The following CEP164 variants were observed in gnomAD, a reference collection of about 807,000 sequenced individuals.
CEP164 encodes the protein centrosomal protein 164.
CEP164 carries 162 observed loss-of-function variants against 182.7 expected under a neutral mutation model. The ratio of observed to expected loss-of-function variants is 0.89; its 90% confidence interval spans 0.78 to 1.01. CEP164 has a LOEUF of 1.01. Among genes scored for constraint, CEP164 ranks in the 50% least tolerant of loss-of-function variants. The probability of loss-of-function intolerance (pLI) is 0.00; values close to 1 mark genes in which losing one functional copy is unlikely to be tolerated. For missense variants in CEP164, 1,735 were observed against 1,790.4 expected (o/e 0.97, Z 0.56); for synonymous variants, 661 against 690.0 (o/e 0.96, Z 0.66).
intron 25 of CEP164, among the ~76,000 whole-genome samples, 178 bp from the exon 26 acceptor site, chr11:117,396,372 T>C (rs529360207): frequency 6.6e-6 from 1 of 152,288 alleles, no homozygotes; most frequent in South Asian, 2.1e-4. Context: ...ACCTGGTCTG[T>C]TCTTATTCCC....
At chr11:117,328,321 A>T (rs1249448288) in intron 1 of CEP164, 1 of 152,218 alleles carries the variant, frequency 6.6e-6, no homozygotes, top group East Asian at 1.9e-4. Flanking sequence ...GCTTGCTGGG[A>T]TACTTCTGTG....
chr11:117,397,121 C>T lies in CEP164; in HGVS notation c.3309C>T (p.Leu1103=), dbSNP rs762705808. ...CCTCCCACAATGTCTGGCACCTCCT[C>T]TCTGCTGAGGGGGTAGCCCTCCGTA... The part of the protein sequence containing the change: ...SLSSHNVWHL[L]SAEGVALRSA... Residue 1103 remains leucine (L), a synonymous_variant, in exon 27 of 33, where the codon CTC becomes CTT. Transcript: ENST00000278935. 4 of 1,614,182 alleles carry T rather than the reference C, an allele frequency of 2.5e-6. No individual in the cohort carries two copies. In the East Asian group the frequency reaches 6.7e-5, roughly 27 times the overall value.
chr11:117,412,530 C>A lies in CEP164; in HGVS notation c.*362C>A, dbSNP rs1023524876. The stretch of plus-strand genomic sequence containing the variant: ...GGAGCTGGTTGTTTCCTTGGCCCTG[C>A]AGCGCACTGCTCGGGGCTCCCAAGG... On this transcript the variant is annotated 3_prime_UTR_variant, in exon 33 of 33. Coordinates refer to ENST00000278935, the MANE Select transcript of CEP164 (RefSeq NM_014956.5). The A allele has an allele frequency of 4.5e-6, 1 of 223,442 alleles. No homozygotes were observed. The highest frequency in any genetic ancestry group is 9.0e-6 in the Non-Finnish European group (1 of 110,936). The allele number at this position is 223,442 out of a possible 1,614,324, so 13.8% of individuals were successfully genotyped here. A position where few individuals can be genotyped will look rare whatever the true frequency, so the allele number is the denominator to read the frequency against.
At chr11:117,392,776 T>A in intron 19 of CEP164, 149 bp downstream of exon 19, 5 of 1,266,552 alleles carry the variant, frequency 3.9e-6, no homozygotes, top group Non-Finnish European at 5.5e-6. Flanking sequence ...ATGCCTTAGT[T>A]CCCTTGAAGC....
intron 11 of CEP164, among the ~76,000 whole-genome samples, chr11:117,378,012 C>T (rs916504889): frequency 1.3e-4 from 20 of 151,986 alleles, no homozygotes; most frequent in Admixed American, 1.2e-3. Flanking sequence ...AGGCATCCAC[C>T]ACCATGCCCG....
chr11:117,398,705 A>G (rs1470704694), intron 27 of CEP164, among the ~76,000 whole-genome samples: 1 of 152,220 alleles, frequency 6.6e-6, no homozygotes, highest in African/African-American at 2.4e-5. Context: ...CCATGGGCCA[A>G]GCTGTACCTT....
chr11:117,350,613 A>AT (rs2039504630), intron 4 of CEP164, among the ~76,000 whole-genome samples: 1 of 151,412 alleles, frequency 6.6e-6, no homozygotes, highest in Non-Finnish European at 1.5e-5. Flanking sequence ...TCATTTATCT[A>AT]TTTTTCATTT....
chr11:117,378,274 C>G (rs1253945062), intron 11 of CEP164, among the ~76,000 whole-genome samples: 8 of 152,210 alleles, frequency 5.3e-5, no homozygotes, highest in Non-Finnish European at 1.2e-4. Flanking sequence ...CAGGCAGGGA[C>G]TATGGATAGT....
chr11:117,410,910 G>T lies in CEP164; in HGVS notation c.4163+16G>T, dbSNP rs2136971795. 1 of 1,609,830 alleles carries T rather than the reference G, an allele frequency of 6.2e-7. No homozygotes were observed. On this transcript the variant is annotated intron_variant, in intron 31 of 32. Transcript: ENST00000278935. The stretch of plus-strand genomic sequence containing the variant: ...TGTCTGCCAGGTGAGCCTCCCTGGG[G>T]GCTGGTTGGGGTGGAACGTCATAGT...
rs756518173 is a variant in CEP164, at chr11:117,408,991, T to C, written c.3711T>C (p.Phe1237=). Residue 1237 remains phenylalanine, a synonymous_variant, in exon 29 of 33, where the codon TTT becomes TTC. Coordinates refer to ENST00000278935, the MANE Select transcript of CEP164 (RefSeq NM_014956.5). The part of the protein sequence containing the change: ...DSLSSESSES[F]SPPHREWWRQ... ...TGAGCAGTGAAAGTTCTGAATCTTT[T>C]TCCCCGCCTCACCGTGAGTGGTGGC... 1.9e-6 allele frequency: 3 copies of C among 1,613,960 alleles called. No individual in the cohort carries two copies. The highest frequency in any genetic ancestry group is 2.2e-5 in the East Asian group (1 of 44,880).
Position 117,407,911 on chromosome 11 carries a change from C to G in CEP164, c.3502-14C>G. 1 of 1,569,466 alleles carries G rather than the reference C, an allele frequency of 6.4e-7. No individual in the cohort carries two copies. Among genetic ancestry groups the G allele is most frequent in the Non-Finnish European group, 8.7e-7 (1 of 1,155,766 alleles). ...TGGGTAGTCATTTCTCCTCTGTTTT[C>G]TCCTTGGCTGCAGGAGACCAGGCAC... On this transcript the variant is annotated splice_polypyrimidine_tract_variant and intron_variant, in intron 27 of 32. Coordinates refer to ENST00000278935, the MANE Select transcript of CEP164 (RefSeq NM_014956.5).
chr11:117,344,566 GGTT>G (rs546021856), intron 4 of CEP164, among the ~76,000 whole-genome samples: 56 of 152,300 alleles, frequency 3.7e-4, no homozygotes, highest in Admixed American at 1.4e-3. Flanking sequence ...TGTGCTGAGG[GGTT>G]GTTGTTACTC....
chr11:117,392,678 T>C (rs1451817985), intron 19 of CEP164, 51 bp downstream of exon 19: 1 of 1,591,918 alleles, frequency 6.3e-7, no homozygotes, highest in African/African-American at 1.3e-5. Flanking sequence ...GTGGACTCTC[T>C]TACAGTCAGC....
At chr11:117,382,967 T>A in intron 14 of CEP164, 25 bp downstream of exon 14, 1 of 1,605,660 alleles carries the variant, frequency 6.2e-7, no homozygotes, top group Non-Finnish European at 8.5e-7. Flanking sequence ...TGTGTGTCTG[T>A]CCCTGACCTC....
chr11:117,385,653 G>C (rs567772352), intron 14 of CEP164: 1 of 152,482 alleles, frequency 6.6e-6, no homozygotes, highest in African/African-American at 2.4e-5. Context: ...ATGAGGCGGA[G>C]AGCTGTGGGG....
chr11:117,373,949 G>A, intron 10 of CEP164, 118 bp downstream of exon 10: 3 of 774,456 alleles, frequency 3.9e-6, no homozygotes, highest in Non-Finnish European at 6.6e-6. Context: ...TCGAACTCAT[G>A]CTTGAGTCTT....
chr11:117,391,211 A>C lies in CEP164; in HGVS notation c.2279A>C (p.Lys760Thr). Residue 760 changes from lysine to threonine, a missense_variant, in exon 17 of 33, where the codon AAA becomes ACA. Lys to Thr is a moderately conservative substitution (Grantham distance 78). Transcript: ENST00000278935. Reference protein sequence around the residue: ...QLREQLEGERKEAVATLEKEH... With the variant: ...QLREQLEGERTEAVATLEKEH... The stretch of plus-strand genomic sequence containing the variant: ...AGGGAGCAGCTGGAAGGGGAGAGGA[A>C]AGAAGTGAGCTAGTCAAGTGGGGAC... 6.2e-7 allele frequency: 1 copy of C among 1,607,842 alleles called. No homozygotes were observed. The highest frequency in any genetic ancestry group is 8.5e-7 in the Non-Finnish European group (1 of 1,177,848).
At chr11:117,375,649 C>T in intron 10 of CEP164, 59 bp from the exon 11 acceptor site, 10 of 1,452,954 alleles carry the variant, frequency 6.9e-6, no homozygotes, top group Admixed American at 1.7e-5. Context: ...GTGAAGAGGC[C>T]TGGTGGGTGT....
intron 3 of CEP164, among the ~76,000 whole-genome samples, chr11:117,339,075 C>T (rs1332427063): frequency 6.6e-6 from 1 of 152,186 alleles, no homozygotes; most frequent in Non-Finnish European, 1.5e-5. Flanking sequence ...GCCTCCGGCT[C>T]CCAAAGTGCT....
Sources: allele counts gnomAD v4.1 joint callset (sites outside exome capture counted in the v4.1 genomes callset), GRCh38; gene constraint gnomAD v4.1.1; transcripts MANE v1.5; gene names NCBI Gene and HGNC (gene_info 2026-07-23, HGNC 2026-07-21).